The following ZMPSTE24 variants were observed in gnomAD, a reference collection of about 807,000 sequenced individuals.
ZMPSTE24 encodes CAAX prenyl protease 1 homolog.
A neutral mutation model predicts 56.7 loss-of-function variants in ZMPSTE24; 48 were observed. The observed-to-expected ratio is 0.85, with a 90% CI of 0.67 to 1.08. ZMPSTE24 has a LOEUF of 1.08. ZMPSTE24 is among the 50% of genes least tolerant of loss of function. The pLI is 0.00. For synonymous variants in ZMPSTE24, 172 were observed against 195.2 expected, an observed-to-expected ratio of 0.88 and a Z score of 0.99; for missense variants, 503 against 548.7, an observed-to-expected ratio of 0.92 and a Z score of 0.83.
rs1419639312 is a variant in ZMPSTE24, at chr1:40,293,067, T to C, written c.*398T>C. On this transcript the variant is annotated 3_prime_UTR_variant, in exon 10 of 10. Coordinates refer to ENST00000372759, the MANE Select transcript of ZMPSTE24 (RefSeq NM_005857.5). ...AGGTGGAAACAGTGGTCCTGAATCA[T>C]TGTGCTCACACCTAACTTGAAATCT... 4.8e-6 allele frequency: 1 copy of C among 208,200 alleles called. No individual in the cohort carries two copies. The highest frequency in any genetic ancestry group is 7.3e-5 in the South Asian group (1 of 13,732). 12.9% of individuals were successfully genotyped at this position (208,200 alleles called of 1,614,324 possible). A position where few individuals can be genotyped will look rare whatever the true frequency, so the allele number is the denominator to read the frequency against.
rs146105624 is a variant in ZMPSTE24 at position 40,292,625 on chromosome 1, C to G, written c.1384C>G (p.Leu462Val). 1.4e-4 allele frequency: 231 copies of G among 1,614,018 alleles called. No homozygotes were observed. Among genetic ancestry groups the G allele is most frequent in the Non-Finnish European group, 1.8e-4 (217 of 1,180,016 alleles). Reference protein sequence around the residue: ...FSMWHYSHPPLLERLQALKTM... With the variant: ...FSMWHYSHPPVLERLQALKTM... ...AATGTGGCATTATTCTCATCCTCCA[C>G]TGCTAGAGAGACTTCAAGCTTTGAA... Residue 462 changes from leucine to valine, a missense_variant, in exon 10 of 10, where the codon CTG (leucine) becomes GTG (valine). Physicochemically the swap from Leu to Val is conservative, Grantham distance 32. Transcript: ENST00000372759.
intron 4 of ZMPSTE24, 31 bp from the exon 5 acceptor site, chr1:40,269,944 A>C: frequency 6.3e-7 from 1 of 1,584,194 alleles, no homozygotes; most frequent in South Asian, 1.2e-5. Context: ...CCAGTTTCTC[A>C]GTTTCTTGTG....
chr1:40,289,340 A>T (rs1643817291), intron 8 of ZMPSTE24, among the ~76,000 whole-genome samples: 1 of 152,254 alleles, frequency 6.6e-6, no homozygotes, highest in Non-Finnish European at 1.5e-5. Flanking sequence ...GCAGGATCAC[A>T]GTATCCCATG....
intron 2 of ZMPSTE24, among the ~76,000 whole-genome samples, chr1:40,262,224 T>A (rs1478991152): frequency 3.9e-5 from 6 of 152,258 alleles, no homozygotes; most frequent in Non-Finnish European, 8.8e-5. Context: ...TATGGAATAA[T>A]AAGACTAGTG....
chr1:40,279,617 G>T (rs1643706987), intron 6 of ZMPSTE24, among the ~76,000 whole-genome samples: 1 of 152,176 alleles, frequency 6.6e-6, no homozygotes, highest in African/African-American at 2.4e-5. Context: ...CAAGAGGTCA[G>T]GTGAATGTGG....
chr1:40,281,396 A>G lies in ZMPSTE24; in HGVS notation c.823A>G (p.Lys275Glu). 6.2e-7 allele frequency: 1 copy of G among 1,614,156 alleles called. No individual in the cohort carries two copies. Among genetic ancestry groups the G allele is most frequent in the Non-Finnish European group, 8.5e-7 (1 of 1,180,014 alleles). ...NAYFYGFFKN[K>E]RIVLFDTLLE... ...TTATTTTTATGGCTTCTTCAAGAAC[A>G]AGCGAATAGTTTTGTTTGACACTCT... Residue 275 changes from lysine (K) to glutamate (E), a missense_variant, in exon 7 of 10, where the codon AAG becomes GAG. Physicochemically the swap from Lys to Glu is moderately conservative, Grantham distance 56. Coordinates refer to ENST00000372759, the MANE Select transcript of ZMPSTE24 (RefSeq NM_005857.5).
In ZMPSTE24 at chr1:40,292,949, G is replaced by C. The variant is rs758895486; in HGVS notation, c.*280G>C. 2.8e-6 allele frequency: 1 copy of C among 353,546 alleles called. No homozygotes were observed. The highest frequency in any genetic ancestry group is 4.3e-5 in the Admixed American group (1 of 23,132). The allele number at this position is 353,546 out of a possible 1,614,324, so 21.9% of individuals were successfully genotyped here. A position where few individuals can be genotyped will look rare whatever the true frequency, so the allele number is the denominator to read the frequency against. On this transcript the variant is annotated 3_prime_UTR_variant, in exon 10 of 10. Coordinates refer to ENST00000372759, the MANE Select transcript of ZMPSTE24 (RefSeq NM_005857.5). ...AATTATTTGGAAAAATACAGAACTC[G>C]TTTTATTTGTATACTTATATGGAAT...
chr1:40,266,172 G>A (rs1643546810), intron 2 of ZMPSTE24, among the ~76,000 whole-genome samples: 2 of 152,060 alleles, frequency 1.3e-5, no homozygotes, highest in Admixed American at 1.3e-4. Flanking sequence ...ATTATTTGTA[G>A]ATACATGTAT....
At chr1:40,277,141 A>C (rs1366381817) in intron 6 of ZMPSTE24, among the ~76,000 whole-genome samples, 3 of 146,012 alleles carry the variant, frequency 2.1e-5, no homozygotes, top group Non-Finnish European at 4.5e-5. Flanking sequence ...GCTGGAGTGC[A>C]GTGGTGCAAT....
intron 1 of ZMPSTE24, among the ~76,000 whole-genome samples, chr1:40,258,990 T>C (rs1225385229): frequency 6.6e-6 from 1 of 152,124 alleles, no homozygotes; most frequent in Non-Finnish European, 1.5e-5. Context: ...AAAACCCGTC[T>C]CTACTAAAAA....
chr1:40,273,516 T>TCAAAAAAAAAAAAAAA lies in ZMPSTE24; in HGVS notation c.769+1481_769+1482insCAAAAAAAAAAAAAAA, dbSNP rs1208318399. Among the ~76,000 whole-genome samples the TCAAAAAAAAAAAAAAA allele has an allele frequency of 5.7e-4, 6 of 10,582 alleles. 2 individuals are homozygous for TCAAAAAAAAAAAAAAA. The highest frequency in any genetic ancestry group is 3.6e-3 in the Admixed American group (2 of 562). 6.9% of individuals were successfully genotyped at this position (10,582 alleles called of 152,430 possible). On this transcript the variant is annotated intron_variant, in intron 6 of 9. Transcript: ENST00000372759. Reference sequence around the variant, plus strand: ...TGGGCAACAAGAGCCAAATTCTGTCTAAAAAAAAAAAAAAAAAAAAAATAT... The same window carrying TCAAAAAAAAAAAAAAA: ...TGGGCAACAAGAGCCAAATTCTGTCTCAAAAAAAAAAAAAAAAAAAAAAAAAAAAAAAAAAAAATAT...
chr1:40,260,962 C>G lies in ZMPSTE24; in HGVS notation c.247C>G (p.Leu83Val). The G allele has an allele frequency of 1.2e-6, 2 of 1,614,128 alleles. No homozygotes were observed. Among genetic ancestry groups the G allele is most frequent in the Non-Finnish European group, 1.7e-6 (2 of 1,180,024 alleles). ...DKSTFSFWSG[L>V]YSETEGTLIL... Reference sequence around the variant, plus strand: ...AAGCACTTTCAGCTTCTGGTCAGGACTCTATTCAGAGACTGAAGGCACTGT... The same window carrying G: ...AAGCACTTTCAGCTTCTGGTCAGGAGTCTATTCAGAGACTGAAGGCACTGT... Residue 83 changes from leucine (L) to valine (V), a missense_variant, in exon 2 of 10, where the codon CTC becomes GTC. Leu to Val is a conservative substitution (Grantham distance 32, BLOSUM62 1). Coordinates refer to ENST00000372759, the MANE Select transcript of ZMPSTE24 (RefSeq NM_005857.5).
At chr1:40,263,852 T>TG (rs144292505) in intron 2 of ZMPSTE24, among the ~76,000 whole-genome samples, 7,420 of 151,284 alleles carry the variant, frequency 0.049, 522 homozygotes, top group African/African-American at 0.16. Context: ...AGACAGAAAA[T>TG]TCCAGCCTCT....
chr1:40,271,241 T>G (rs1414542172), intron 5 of ZMPSTE24, among the ~76,000 whole-genome samples: 2 of 152,204 alleles, frequency 1.3e-5, no homozygotes, highest in East Asian at 3.8e-4. Flanking sequence ...GAGGTTTATT[T>G]TAGTCTGAAT....
At chr1:40,267,672 T>G in intron 2 of ZMPSTE24, 114 bp from the exon 3 acceptor site, 1 of 865,870 alleles carries the variant, frequency 1.2e-6, no homozygotes. Flanking sequence ...ACTGGCCTCT[T>G]TTGTTTTTTT....
intron 8 of ZMPSTE24, among the ~76,000 whole-genome samples, chr1:40,287,844 G>A (rs763919744): frequency 5.9e-5 from 9 of 151,916 alleles, no homozygotes; most frequent in Non-Finnish European, 1.3e-4. Flanking sequence ...GAGCATATGT[G>A]GCCTTAACTG....
At chr1:40,267,925 G>A in intron 3 of ZMPSTE24, 53 bp downstream of exon 3, 1 of 1,521,512 alleles carries the variant, frequency 6.6e-7, no homozygotes, top group Non-Finnish European at 9.1e-7. Context: ...AGCTTGGCAG[G>A]CTTTCCACTA....
At chr1:40,269,830 G>C in intron 4 of ZMPSTE24, 145 bp from the exon 5 acceptor site, 1 of 909,804 alleles carries the variant, frequency 1.1e-6, no homozygotes. Flanking sequence ...ATTGTCTTAA[G>C]CTGCCTAATG....
intron 1 of ZMPSTE24, chr1:40,259,415 G>C (rs1181988395): frequency 6.6e-6 from 1 of 152,086 alleles, no homozygotes; most frequent in Non-Finnish European, 1.5e-5. Context: ...GAAACTAGGA[G>C]GGACGAGGGA....
Sources: gnomAD v4.1 joint callset for allele counts (sites outside exome capture counted in the v4.1 genomes callset) on GRCh38, gnomAD v4.1.1 for gene constraint, MANE v1.5 for transcripts, NCBI Gene and HGNC (gene_info 2026-07-23, HGNC 2026-07-21) for gene names.